TMEM117: variants seen among roughly 807,000 people sequenced by gnomAD.
TMEM117 encodes transmembrane protein 117.
Under a neutral mutation model 52.4 loss-of-function variants are expected in TMEM117, and 27 were observed. The ratio of observed to expected loss-of-function variants is 0.51; its 90% CI spans 0.38 to 0.71. The LOEUF (loss-of-function observed/expected upper bound fraction) is 0.71. Ranked by LOEUF, TMEM117 falls within the 30% of genes least tolerant of loss-of-function variation. The pLI, the probability that TMEM117 is intolerant of heterozygous loss-of-function variation, is 0.00. For missense variants in TMEM117, 556 were observed against 630.5 expected (o/e 0.88, Z 1.26); for synonymous variants, 215 against 206.3 (o/e 1.04, Z -0.36).
chr12:44,231,248 CTG>C (rs1219700777), intron 5 of TMEM117, among the ~76,000 whole-genome samples: 2 of 151,882 alleles, frequency 1.3e-5, no homozygotes, highest in African/African-American at 4.8e-5. Flanking sequence ...TAACCACACT[CTG>C]TGTTTTCCTT....
chr12:44,098,232 A>G (rs1303324400), intron 3 of TMEM117, among the ~76,000 whole-genome samples: 3 of 152,054 alleles, frequency 2.0e-5, no homozygotes, highest in Non-Finnish European at 4.4e-5. Flanking sequence ...AAGACAGGCA[A>G]TGTCCCTGAC....
chr12:44,097,816 A>C (rs1438184448), intron 3 of TMEM117, among the ~76,000 whole-genome samples: 1 of 151,436 alleles, frequency 6.6e-6, no homozygotes, highest in Non-Finnish European at 1.5e-5. Flanking sequence ...ATATGTAACA[A>C]ACCTGCACAT....
intron 5 of TMEM117, among the ~76,000 whole-genome samples, chr12:44,229,899 C>T (rs1424958654): frequency 6.6e-6 from 1 of 152,064 alleles, no homozygotes; most frequent in Non-Finnish European, 1.5e-5. Flanking sequence ...TCAGTGGGAA[C>T]ATTTGCTTAT....
chr12:44,115,117 A>G (rs1948116861), intron 3 of TMEM117, among the ~76,000 whole-genome samples: 1 of 152,208 alleles, frequency 6.6e-6, no homozygotes, highest in African/African-American at 2.4e-5. Context: ...TACATGGCAG[A>G]CATTGCCAAT....
At chr12:43,819,528 G>A in the TMEM117 span, among the ~76,000 whole-genome samples, 18 of 152,076 alleles carry the variant, frequency 1.2e-4, no homozygotes, top group African/African-American at 4.3e-4. Context: ...TAATCCCAGC[G>A]CTTTGGGAGG....
chr12:44,213,760 C>T (rs917649038), intron 5 of TMEM117, among the ~76,000 whole-genome samples: 11 of 152,178 alleles, frequency 7.2e-5, no homozygotes, highest in Non-Finnish European at 1.3e-4. Flanking sequence ...TGAAGAAGGA[C>T]GTGTTTGCTT....
intron 3 of TMEM117, among the ~76,000 whole-genome samples, chr12:43,994,362 A>T (rs1373453910): frequency 6.6e-6 from 1 of 152,224 alleles, no homozygotes; most frequent in African/African-American, 2.4e-5. Context: ...TCATGATTCA[A>T]CAAGAAAAGT....
Position 44,158,345 on chromosome 12 carries a change from G to A in TMEM117, c.510+14721G>A, listed in dbSNP as rs368138156. The stretch of plus-strand genomic sequence containing the variant: ...TAAAGGCAAGTGCAGATTTTAATTC[G>A]AAAGTTTTGACAAAACAGCTGCTCA... On this transcript the variant is annotated intron_variant, in intron 4 of 7. Coordinates refer to ENST00000266534, the MANE Select transcript of TMEM117 (RefSeq NM_032256.3). Among the ~76,000 whole-genome samples, 13 of 152,092 alleles carry A rather than the reference G, an allele frequency of 8.5e-5. No individual in the cohort carries two copies. In the East Asian group the frequency reaches 9.6e-4, roughly 11 times the overall value.
intron 7 of TMEM117, among the ~76,000 whole-genome samples, chr12:44,378,682 T>C (rs1951976539): frequency 6.6e-6 from 1 of 152,306 alleles, no homozygotes; most frequent in South Asian, 2.1e-4. Context: ...TAATGTATTG[T>C]AATTAAGGCT....
intron 6 of TMEM117, among the ~76,000 whole-genome samples, chr12:44,315,200 A>T (rs1165438188): frequency 6.6e-6 from 1 of 152,126 alleles, no homozygotes; most frequent in African/African-American, 2.4e-5. Flanking sequence ...CAGAGAGCCA[A>T]CTTTTGGGTT....
At position 44,354,961 on chromosome 12, in the gene TMEM117, G is replaced by A. The variant is rs1951625851; in HGVS notation, c.769-21634G>A. On this transcript the variant is annotated intron_variant, in intron 6 of 7. Coordinates refer to ENST00000266534, the MANE Select transcript of TMEM117 (RefSeq NM_032256.3). ...TCTATGCAGAACCATAATCACTGGGGAAAGCTTACAGTTAAAATTAATCTG... is the reference window on the plus strand; with the variant it reads ...TCTATGCAGAACCATAATCACTGGGAAAAGCTTACAGTTAAAATTAATCTG... Among the ~76,000 whole-genome samples the A allele has an allele frequency of 2.6e-5, 4 of 151,852 alleles. No individual in the cohort carries two copies. In the South Asian group the frequency reaches 6.2e-4, roughly 24 times the overall value.
intron 2 of TMEM117, among the ~76,000 whole-genome samples, chr12:43,901,187 G>A (rs1228392490): frequency 2.6e-5 from 4 of 152,186 alleles, no homozygotes; most frequent in Non-Finnish European, 5.9e-5. Context: ...ATTGTGCAAA[G>A]GCTTTCTGAA....
At chr12:43,988,314 T>C (rs1945881510) in intron 3 of TMEM117, among the ~76,000 whole-genome samples, 2 of 152,104 alleles carry the variant, frequency 1.3e-5, no homozygotes, top group Admixed American at 1.3e-4. Context: ...TTTGTGTTAT[T>C]TAACCCTTGG....
chr12:43,924,114 T>C (rs914768892), intron 2 of TMEM117, among the ~76,000 whole-genome samples: 1 of 152,174 alleles, frequency 6.6e-6, no homozygotes, highest in African/African-American at 2.4e-5. Flanking sequence ...ACTGTGAATC[T>C]TAATGGGTTT....
At position 44,281,219 on chromosome 12, in the gene TMEM117, G is replaced by A. The variant is rs368495773; in HGVS notation, c.609-18361G>A. Among the ~76,000 whole-genome samples the A allele has an allele frequency of 5.3e-5, 8 of 151,970 alleles. No homozygotes were observed. The East Asian group carries it at 5.8e-4, about 11-fold the overall frequency. ...GACATTACATCCTTTAAATATTTAC[G>A]TATAATTTCAGGTAATTTTTGTGTT... On this transcript the variant is annotated intron_variant, in intron 5 of 7. Transcript: ENST00000266534.
chr12:44,262,444 G>A (rs192135316), intron 5 of TMEM117, among the ~76,000 whole-genome samples: 47 of 152,276 alleles, frequency 3.1e-4, no homozygotes, highest in Admixed American at 1.2e-3. Context: ...CTGTTCATTC[G>A]TGTTGCTTCC....
rs114774526 is a variant in TMEM117 at position 43,968,082 on chromosome 12, A to C, written c.410+23740A>C. 4.6e-3 allele frequency among the ~76,000 whole-genome samples: 703 copies of C among 152,362 alleles called. 5 individuals are homozygous for C. The highest frequency in any genetic ancestry group is 0.016 in the African/African-American group (677 of 41,586). Reference sequence around the variant, plus strand: ...CACAGAATATTAGCAAATAATAAACAGAAGACTTAGGCTCAGGCATAGAGA... The same window carrying C: ...CACAGAATATTAGCAAATAATAAACCGAAGACTTAGGCTCAGGCATAGAGA... On this transcript the variant is annotated intron_variant, in intron 3 of 7. Transcript: ENST00000266534.
intron 6 of TMEM117, among the ~76,000 whole-genome samples, chr12:44,353,852 A>G (rs1951603657): frequency 6.6e-6 from 1 of 152,200 alleles, no homozygotes; most frequent in South Asian, 2.1e-4. Flanking sequence ...TGGTAGCTTG[A>G]TGGGGATGGC....
chr12:44,145,807 C>T (rs113483358), intron 4 of TMEM117, among the ~76,000 whole-genome samples: 17 of 152,250 alleles, frequency 1.1e-4, no homozygotes, highest in Non-Finnish European at 1.9e-4. Flanking sequence ...TTATACTGAA[C>T]CTGACAAAAG....
Sources: allele counts gnomAD v4.1 joint callset (sites outside exome capture counted in the v4.1 genomes callset), GRCh38; gene constraint gnomAD v4.1.1; transcripts MANE v1.5; gene names NCBI Gene and HGNC (gene_info 2026-07-23, HGNC 2026-07-21).